Variants in MIPOL1 observed in about 807,000 individuals in gnomAD.
MIPOL1 encodes the protein mirror-image polydactyly 1, also known as mirror-image polydactyly gene 1 protein.
In MIPOL1, 57 loss-of-function variants were observed where a neutral mutation model predicts 60.9. That is an observed-to-expected ratio of 0.94 (90% CI 0.76 to 1.17). The LOEUF is 1.17. MIPOL1 is among the 50% of genes most tolerant of loss of function. The pLI is 0.00. For missense variants in MIPOL1, 551 were observed against 511.6 expected (o/e 1.08, Z -0.74); for synonymous variants, 179 against 168.8 (o/e 1.06, Z -0.47).
At chr14:37,378,704 A>G (rs374976958) in intron 10 of MIPOL1, among the ~76,000 whole-genome samples, 1 of 151,664 alleles carries the variant, frequency 6.6e-6, no homozygotes, top group African/African-American at 2.4e-5. Flanking sequence ...AGAGGGAGGG[A>G]CGGAAGGAAA....
intron 10 of MIPOL1, among the ~76,000 whole-genome samples, chr14:37,417,559 G>T (rs892026259): frequency 2.0e-5 from 3 of 152,078 alleles, no homozygotes; most frequent in African/African-American, 7.2e-5. Flanking sequence ...TTTGAAAATA[G>T]CTTTTAACTT....
chr14:37,244,909 A>G (rs1029826220), intron 1 of MIPOL1, among the ~76,000 whole-genome samples: 2 of 152,150 alleles, frequency 1.3e-5, no homozygotes, highest in Non-Finnish European at 2.9e-5. Flanking sequence ...ATATGTAGAT[A>G]TGTTTTAATT....
chr14:37,378,396 T>C (rs2092834381), intron 10 of MIPOL1, among the ~76,000 whole-genome samples: 1 of 152,026 alleles, frequency 6.6e-6, no homozygotes, highest in African/African-American at 2.4e-5. Flanking sequence ...AAGGGCATGA[T>C]GCAAAAGCCA....
At chr14:37,332,938 A>T (rs1484038692) in intron 9 of MIPOL1, among the ~76,000 whole-genome samples, 1 of 152,148 alleles carries the variant, frequency 6.6e-6, no homozygotes, top group African/African-American at 2.4e-5. Context: ...TGTGGAGATG[A>T]GTAGCATCCC....
intron 9 of MIPOL1, among the ~76,000 whole-genome samples, chr14:37,343,640 CG>C (rs2090735779): frequency 6.6e-6 from 1 of 152,018 alleles, no homozygotes; most frequent in Non-Finnish European, 1.5e-5. Flanking sequence ...AAAACTTAGA[CG>C]ATGTTATGGA....
intron 10 of MIPOL1, among the ~76,000 whole-genome samples, chr14:37,370,683 T>C (rs1236401686): frequency 1.3e-5 from 2 of 152,200 alleles, no homozygotes; most frequent in African/African-American, 4.8e-5. Context: ...TTCATTTTGA[T>C]ATTCTTAGTG....
At chr14:37,427,496 G>A (rs1232099249) in intron 11 of MIPOL1, among the ~76,000 whole-genome samples, 1 of 152,112 alleles carries the variant, frequency 6.6e-6, no homozygotes, top group Non-Finnish European at 1.5e-5. Flanking sequence ...GAATAATGGT[G>A]ACAATTGTAC....
At chr14:37,201,395 G>C (rs1347890146) in intron 1 of MIPOL1, among the ~76,000 whole-genome samples, 1 of 152,154 alleles carries the variant, frequency 6.6e-6, no homozygotes, top group East Asian at 1.9e-4. Context: ...GGTAAGAAGT[G>C]AGAAAAGAAA....
At chr14:37,478,589 G>T (rs2094813588) in intron 11 of MIPOL1, among the ~76,000 whole-genome samples, 1 of 151,920 alleles carries the variant, frequency 6.6e-6, no homozygotes, top group South Asian at 2.1e-4. Context: ...GAATTTAAAT[G>T]GATTAAATAA....
intron 12 of MIPOL1, among the ~76,000 whole-genome samples, chr14:37,526,411 C>T (rs1328131167): frequency 6.9e-6 from 1 of 145,718 alleles, no homozygotes; most frequent in Non-Finnish European, 1.5e-5. Context: ...GTTCTGTCGT[C>T]CAGGCTCTAG....
At chr14:37,518,740 C>T (rs1156674389) in intron 12 of MIPOL1, among the ~76,000 whole-genome samples, 1 of 152,096 alleles carries the variant, frequency 6.6e-6, no homozygotes, top group Non-Finnish European at 1.5e-5. Context: ...TACCATTTCC[C>T]ATTAAAAAGT....
chr14:37,236,755 C>T (rs1393420105), intron 1 of MIPOL1, among the ~76,000 whole-genome samples: 1 of 152,098 alleles, frequency 6.6e-6, no homozygotes, highest in East Asian at 1.9e-4. Context: ...TATTTGTGCA[C>T]TCTGTTCCTT....
At chr14:37,485,682 G>GT (rs1275322210) in intron 11 of MIPOL1, among the ~76,000 whole-genome samples, 4 of 151,974 alleles carry the variant, frequency 2.6e-5, no homozygotes, top group African/African-American at 9.7e-5. Context: ...GGGGTTGTTT[G>GT]TTTTTTTCTT....
chr14:37,505,292 A>G (rs537576911), intron 12 of MIPOL1: 1 of 152,320 alleles, frequency 6.6e-6, no homozygotes, highest in East Asian at 1.9e-4. Flanking sequence ...TGTCAGAGAC[A>G]CAACAACAAA....
chr14:37,475,139 AT>A (rs1391783587), intron 11 of MIPOL1, among the ~76,000 whole-genome samples: 2 of 151,856 alleles, frequency 1.3e-5, no homozygotes, highest in Admixed American at 6.6e-5. Flanking sequence ...TAATTTTTGC[AT>A]TTTTAGTAGA....
intron 11 of MIPOL1, among the ~76,000 whole-genome samples, chr14:37,432,408 T>C (rs2094087763): frequency 6.6e-6 from 1 of 152,234 alleles, no homozygotes; most frequent in Non-Finnish European, 1.5e-5. Context: ...TGAAAGTTTA[T>C]TCAGATGTAC....
At chr14:37,333,860 G>GCAAT (rs1283566912) in intron 9 of MIPOL1, among the ~76,000 whole-genome samples, 2 of 152,022 alleles carry the variant, frequency 1.3e-5, no homozygotes, top group Non-Finnish European at 2.9e-5. Context: ...GCTTGACTTT[G>GCAAT]CAATCACCTG....
intron 10 of MIPOL1, among the ~76,000 whole-genome samples, chr14:37,382,583 C>T (rs958847819): frequency 1.1e-4 from 16 of 152,012 alleles, no homozygotes; most frequent in Admixed American, 5.3e-4. Flanking sequence ...TTTACCAGTT[C>T]ATCTAAAGAA....
chr14:37,420,769 A>G (rs2093857910), intron 10 of MIPOL1, among the ~76,000 whole-genome samples: 1 of 152,122 alleles, frequency 6.6e-6, no homozygotes, highest in African/African-American at 2.4e-5. Flanking sequence ...TTCTGAGGCT[A>G]GTGGGATGCA....
Sources: gnomAD v4.1 joint callset for allele counts (sites outside exome capture counted in the v4.1 genomes callset) on GRCh38, gnomAD v4.1.1 for gene constraint, MANE v1.5 for transcripts, NCBI Gene and HGNC (gene_info 2026-07-23, HGNC 2026-07-21) for gene names.